Variants in NUFIP1 observed in about 807,000 individuals in gnomAD.
The protein encoded by NUFIP1 is FMR1-interacting protein NUFIP1.
Under a neutral mutation model 56.2 loss-of-function variants are expected in NUFIP1, and 38 were observed. The ratio of observed to expected loss-of-function variants is 0.68; its 90% CI spans 0.52 to 0.89. The LOEUF is 0.89. Ranked by LOEUF, NUFIP1 falls within the 40% of genes least tolerant of loss-of-function variation. The pLI, the probability that NUFIP1 is intolerant of heterozygous loss-of-function variation, is 0.00. For missense variants in NUFIP1, 567 were observed against 605.8 expected, an observed-to-expected ratio of 0.94 and a Z score of 0.67; for synonymous variants, 215 against 212.4, an observed-to-expected ratio of 1.01 and a Z score of -0.10.
At chr13:44,943,373 CACA>C in intron 9 of NUFIP1, 66 bp downstream of exon 9, 9 of 1,311,096 alleles carry the variant, frequency 6.9e-6, no homozygotes, top group South Asian at 1.3e-5. Flanking sequence ...CACACACACA[CACA>C]CCCCAGTGGC....
intron 7 of NUFIP1, among the ~76,000 whole-genome samples, chr13:44,958,410 CT>C (rs1202477773): frequency 6.6e-6 from 1 of 152,068 alleles, no homozygotes; most frequent in Admixed American, 6.5e-5. Context: ...CAGTAAGTGC[CT>C]TATTCAGTGT....
intron 7 of NUFIP1, among the ~76,000 whole-genome samples, chr13:44,958,903 T>C (rs913468230): frequency 2.0e-5 from 3 of 152,188 alleles, no homozygotes; most frequent in Non-Finnish European, 4.4e-5. Context: ...AGGACAAACA[T>C]ATATAAATAT....
At chr13:44,970,647 G>T (rs1871769098) in intron 5 of NUFIP1, among the ~76,000 whole-genome samples, 1 of 152,090 alleles carries the variant, frequency 6.6e-6, no homozygotes, top group African/African-American at 2.4e-5. Flanking sequence ...AATGTAGAAA[G>T]TAAGTATATT....
At position 44,965,856 on chromosome 13, in the gene NUFIP1, G is replaced by A. The variant is rs761053267; in HGVS notation, c.815C>T (p.Thr272Ile). The change falls in exon 6 of 10, where the codon ACA (threonine) becomes ATA (isoleucine). Residue 272 changes from threonine to isoleucine, a missense_variant. By Grantham distance (89) the Thr-to-Ile change is moderately conservative (BLOSUM62 -1). Transcript: ENST00000379161. ...EKEKRGAVLT[T>I]TQYGKMKGMS... is the part of the protein sequence containing the mutation. ...ATAAGGAGCTTACCCATATTGTGTT[G>A]TTGTCAATACTGCTCCTCTCTTCTC... 1 of 1,591,250 alleles carries A rather than the reference G, an allele frequency of 6.3e-7. No individual in the cohort carries two copies. The highest frequency in any genetic ancestry group is 1.2e-5 in the South Asian group (1 of 86,648).
At position 44,970,873 on chromosome 13, in the gene NUFIP1, G is replaced by A. The variant is rs910241867; in HGVS notation, c.735-4937C>T. ...TTATTTTTAGTAGAGATAGGGTTTC[G>A]CCATGTTGGCCAGGCTGGTCTCAAA... On this transcript the variant is annotated intron_variant, in intron 5 of 9. Transcript: ENST00000379161. Among the ~76,000 whole-genome samples the A allele has an allele frequency of 6.6e-5, 10 of 151,928 alleles. No individual in the cohort carries two copies. The East Asian group carries it at 9.7e-4, about 15-fold the overall frequency.
At chr13:44,964,419 A>G (rs1593363984) in intron 6 of NUFIP1, among the ~76,000 whole-genome samples, 1 of 152,226 alleles carries the variant, frequency 6.6e-6, no homozygotes, top group East Asian at 1.9e-4. Flanking sequence ...AAGAGAAGTG[A>G]GCCCTGAAAG....
At chr13:44,941,369 T>C (rs1870729859) in intron 9 of NUFIP1, 47 bp from the exon 10 acceptor site, 2 of 1,106,828 alleles carry the variant, frequency 1.8e-6, no homozygotes, top group Non-Finnish European at 2.7e-6. Context: ...AAATTATATC[T>C]GGGAAATACA....
chr13:44,969,103 G>A (rs1871716143), intron 5 of NUFIP1, among the ~76,000 whole-genome samples: 1 of 152,074 alleles, frequency 6.6e-6, no homozygotes, highest in Admixed American at 6.5e-5. Context: ...TAAGATTAGA[G>A]TTTTAAAAAG....
intron 1 of NUFIP1, among the ~76,000 whole-genome samples, chr13:44,982,783 A>G (rs375730473): frequency 2.4e-4 from 37 of 152,212 alleles, no homozygotes; most frequent in Admixed American, 9.2e-4. Flanking sequence ...GAGACAGGAG[A>G]ACTACTCAAG....
intron 2 of NUFIP1, among the ~76,000 whole-genome samples, chr13:44,981,256 A>C: frequency 6.6e-6 from 1 of 152,154 alleles, no homozygotes; most frequent in Non-Finnish European, 1.5e-5. Flanking sequence ...TTCAGTAAAT[A>C]TATTGGAAAA....
chr13:44,957,207 TTC>T (rs1410143003), intron 7 of NUFIP1, among the ~76,000 whole-genome samples: 2 of 152,082 alleles, frequency 1.3e-5, no homozygotes, highest in African/African-American at 4.8e-5. Flanking sequence ...TATTTGAGAT[TTC>T]TCTTTCTTTT....
chr13:44,949,014 T>C (rs1314387433), intron 8 of NUFIP1, among the ~76,000 whole-genome samples: 4 of 152,168 alleles, frequency 2.6e-5, no homozygotes, highest in African/African-American at 9.6e-5. Flanking sequence ...TTAAAAAAAT[T>C]GTATCACACT....
intron 2 of NUFIP1, among the ~76,000 whole-genome samples, 153 bp downstream of exon 2, chr13:44,981,919 A>ACTCATG (rs1872204261): frequency 6.6e-6 from 1 of 151,838 alleles, no homozygotes; most frequent in East Asian, 1.9e-4. Flanking sequence ...AATTTGCTAT[A>ACTCATG]TTCATGTTTA....
chr13:44,986,666 T>C (rs910222673), intron 1 of NUFIP1, among the ~76,000 whole-genome samples: 15 of 132,002 alleles, frequency 1.1e-4, no homozygotes, highest in Admixed American at 5.4e-4. Context: ...CACTCCAGCC[T>C]GGGCAACAGA....
At chr13:44,982,785 C>T (rs939420731) in intron 1 of NUFIP1, among the ~76,000 whole-genome samples, 20 of 152,200 alleles carry the variant, frequency 1.3e-4, no homozygotes, top group African/African-American at 4.6e-4. Flanking sequence ...GACAGGAGAA[C>T]TACTCAAGGC....
intron 8 of NUFIP1, among the ~76,000 whole-genome samples, chr13:44,945,556 A>G (rs1006575479): frequency 3.3e-5 from 5 of 152,088 alleles, no homozygotes; most frequent in Non-Finnish European, 7.4e-5. Flanking sequence ...ATGAACATGT[A>G]TGCAAAACTC....
At chr13:44,941,859 C>T (rs894965831) in intron 9 of NUFIP1, among the ~76,000 whole-genome samples, 6 of 152,074 alleles carry the variant, frequency 3.9e-5, no homozygotes, top group Non-Finnish European at 8.8e-5. Flanking sequence ...TATTTGGAGT[C>T]CTCTCTAAGA....
chr13:44,971,765 C>A (rs993301026), intron 5 of NUFIP1, among the ~76,000 whole-genome samples: 3 of 152,216 alleles, frequency 2.0e-5, no homozygotes, highest in Admixed American at 6.5e-5. Context: ...TTGTCTTTTT[C>A]TCTTCTTTCT....
Position 44,980,703 on chromosome 13 carries a change from G to A in NUFIP1, c.594+19C>T, listed in dbSNP as rs547260994. ...AGCACAATTGCTACATCAGTTTCAG[G>A]ACAACTAAGAAAACCTACTTTTGTA... is the stretch of plus-strand genomic sequence containing the variant. On this transcript the variant is annotated intron_variant, in intron 3 of 9. Coordinates refer to ENST00000379161, the MANE Select transcript of NUFIP1 (RefSeq NM_012345.3). The A allele has an allele frequency of 1.7e-5, 26 of 1,504,154 alleles. No individual in the cohort carries two copies. The Admixed American group carries it at 3.2e-4, about 19-fold the overall frequency. 93.2% of individuals were successfully genotyped at this position (1,504,154 alleles called of 1,614,324 possible).
Sources: gnomAD v4.1 joint callset for allele counts (sites outside exome capture counted in the v4.1 genomes callset) on GRCh38, gnomAD v4.1.1 for gene constraint, MANE v1.5 for transcripts, NCBI Gene and HGNC (gene_info 2026-07-23, HGNC 2026-07-21) for gene names.